Variants in SHISA9 observed in about 807,000 individuals in gnomAD.
The protein encoded by SHISA9 is shisa family member 9, also known as protein shisa-9.
In SHISA9, 13 loss-of-function variants were observed where a neutral mutation model predicts 38.0. The ratio of observed to expected loss-of-function variants is 0.34; its 90% CI spans 0.22 to 0.54. The LOEUF is 0.54. Among genes scored for constraint, SHISA9 ranks in the 20% least tolerant of loss-of-function variants. SHISA9 has a pLI of 0.91. For missense variants in SHISA9, 538 were observed against 575.8 expected (o/e 0.93, Z 0.67); for synonymous variants, 275 against 242.0 (o/e 1.14, Z -1.27).
At chr16:13,394,830 T>C in the SHISA9 span, among the ~76,000 whole-genome samples, 2 of 152,162 alleles carry the variant, frequency 1.3e-5, no homozygotes, top group African/African-American at 4.8e-5. Context: ...TTGCTTTTTA[T>C]ACTCTGCCCC....
chr16:13,079,180 A>G (rs908372871), intron 2 of SHISA9, among the ~76,000 whole-genome samples: 2 of 152,216 alleles, frequency 1.3e-5, no homozygotes, highest in Admixed American at 6.5e-5. Context: ...GACACAATCA[A>G]TGCCATGATA....
the SHISA9 span, among the ~76,000 whole-genome samples, chr16:13,309,592 G>A: frequency 3.4e-5 from 5 of 145,762 alleles, no homozygotes; most frequent in Non-Finnish European, 6.0e-5. Flanking sequence ...GCAGTGAGCC[G>A]AGATCACGCC....
intron 2 of SHISA9, among the ~76,000 whole-genome samples, chr16:13,097,067 C>A (rs962093801): frequency 8.5e-5 from 13 of 152,156 alleles, no homozygotes; most frequent in African/African-American, 3.1e-4. Flanking sequence ...GGGACTGTGT[C>A]TGGCTTAAGG....
At chr16:13,328,598 AC>A in the SHISA9 span, among the ~76,000 whole-genome samples, 1 of 35,250 alleles carries the variant, frequency 2.8e-5, no homozygotes, top group East Asian at 9.6e-4. Flanking sequence ...GTATACACAC[AC>A]ACACACACAC....
chr16:13,484,288 A>T, the SHISA9 span, among the ~76,000 whole-genome samples: 3 of 152,194 alleles, frequency 2.0e-5, no homozygotes, highest in Non-Finnish European at 4.4e-5. Context: ...AAAGCTTTGG[A>T]AATTGTATAG....
At chr16:13,553,992 G>A in the SHISA9 span, among the ~76,000 whole-genome samples, 1 of 152,190 alleles carries the variant, frequency 6.6e-6, no homozygotes, top group East Asian at 1.9e-4. Context: ...CATGCACCAG[G>A]TCCTCTAAAA....
chr16:13,223,690 G>A (rs1262411006), intron 4 of SHISA9, among the ~76,000 whole-genome samples: 3 of 152,202 alleles, frequency 2.0e-5, no homozygotes, highest in Non-Finnish European at 4.4e-5. Flanking sequence ...AAGGAAAGAG[G>A]TTTGATGGAC....
At chr16:13,363,125 C>T in the SHISA9 span, among the ~76,000 whole-genome samples, 1 of 152,100 alleles carries the variant, frequency 6.6e-6, no homozygotes, top group Non-Finnish European at 1.5e-5. Flanking sequence ...TGGATTTGGC[C>T]CTTCAAGGGA....
the SHISA9 span, among the ~76,000 whole-genome samples, chr16:13,390,186 A>G: frequency 2.7e-5 from 4 of 150,834 alleles, no homozygotes; most frequent in Admixed American, 6.6e-5. Flanking sequence ...CTCTCTTTTT[A>G]TAAGATACCA....
In SHISA9 at chr16:12,959,046, G is replaced by T. The variant is rs117524228; in HGVS notation, c.691+42231G>T. Reference sequence around the variant, plus strand: ...CTTGGGCAAAACCTTAAAGGCCATGGTACAGAGCTGGAATCTTATATTGCA... The same window carrying T: ...CTTGGGCAAAACCTTAAAGGCCATGTTACAGAGCTGGAATCTTATATTGCA... On this transcript the variant is annotated intron_variant, in intron 2 of 4. Coordinates refer to ENST00000558583, the MANE Select transcript of SHISA9 (RefSeq NM_001145204.3). Among the ~76,000 whole-genome samples the T allele has an allele frequency of 1.2e-4, 18 of 152,172 alleles. 2 individuals are homozygous for T. The highest frequency in any genetic ancestry group is 1.1e-3 in the Admixed American group (17 of 15,280).
At chr16:13,207,212 GGA>G (rs1313439572) in intron 3 of SHISA9, among the ~76,000 whole-genome samples, 2 of 152,064 alleles carry the variant, frequency 1.3e-5, no homozygotes, top group African/African-American at 4.8e-5. Context: ...TGCAGTGAGC[GGA>G]GATGGTGCCA....
At chr16:13,277,693 G>C in the SHISA9 span, among the ~76,000 whole-genome samples, 1 of 151,790 alleles carries the variant, frequency 6.6e-6, no homozygotes, top group Non-Finnish European at 1.5e-5. Flanking sequence ...ATTGTAAAAG[G>C]GGTTGAGTTC....
chr16:13,213,468 TTGTG>T (rs140527178), intron 4 of SHISA9, among the ~76,000 whole-genome samples, 168 bp downstream of exon 4: 2 of 151,096 alleles, frequency 1.3e-5, no homozygotes, highest in African/African-American at 2.4e-5. Context: ...GTTTGTGTGT[TTGTG>T]TGTGTGTGTG....
At chr16:13,035,428 G>T (rs1203339739) in intron 2 of SHISA9, among the ~76,000 whole-genome samples, 1 of 152,188 alleles carries the variant, frequency 6.6e-6, no homozygotes. Flanking sequence ...TCCCATGTTG[G>T]TGATAGAGGT....
the SHISA9 span, among the ~76,000 whole-genome samples, chr16:13,492,138 G>C: frequency 6.6e-6 from 1 of 151,994 alleles, no homozygotes; most frequent in Non-Finnish European, 1.5e-5. Context: ...AAGGCTCTCT[G>C]TTCCGGTGTC....
intron 2 of SHISA9, among the ~76,000 whole-genome samples, chr16:13,129,933 G>A (rs2050292781): frequency 6.6e-6 from 1 of 152,120 alleles, no homozygotes; most frequent in Admixed American, 6.5e-5. Context: ...ACTCCACAGA[G>A]GCTACACACA....
intron 2 of SHISA9, among the ~76,000 whole-genome samples, chr16:13,034,993 T>A (rs2073036876): frequency 6.6e-6 from 1 of 152,150 alleles, no homozygotes; most frequent in Non-Finnish European, 1.5e-5. Context: ...AATAAAATGC[T>A]TTTTTTAAAA....
intron 4 of SHISA9, among the ~76,000 whole-genome samples, chr16:13,230,276 A>T (rs4781437): frequency 0.19 from 29,208 of 152,184 alleles, 3,081 homozygotes; most frequent in Admixed American, 0.31. Flanking sequence ...GACTAAATGA[A>T]TGAACAAACA....
intron 2 of SHISA9, among the ~76,000 whole-genome samples, chr16:13,196,145 C>T (rs1295621975): frequency 7.3e-6 from 1 of 137,776 alleles, no homozygotes; most frequent in Non-Finnish European, 1.5e-5. Context: ...CGCCTGTAAT[C>T]CCAGCACTTT....
Sources: gnomAD v4.1 joint callset for allele counts (sites outside exome capture counted in the v4.1 genomes callset) on GRCh38, gnomAD v4.1.1 for gene constraint, MANE v1.5 for transcripts, NCBI Gene and HGNC (gene_info 2026-07-23, HGNC 2026-07-21) for gene names.